Variants in DGAT2 observed in about 807,000 individuals in gnomAD.
DGAT2 encodes diacylglycerol O-acyltransferase 2.
In DGAT2, 33 loss-of-function variants were observed where a neutral mutation model predicts 48.4. The observed-to-expected ratio is 0.68, with a 90% confidence interval of 0.52 to 0.91. The LOEUF (loss-of-function observed/expected upper bound fraction) is 0.91, where lower values mean the gene tolerates loss of function less well. Ranked by LOEUF, DGAT2 falls within the 40% of genes least tolerant of loss-of-function variation. The probability of loss-of-function intolerance (pLI) is 0.00; values close to 1 mark genes in which losing one functional copy is unlikely to be tolerated. For missense variants in DGAT2, 446 were observed against 493.7 expected, an observed-to-expected ratio of 0.90 and a Z score of 0.92; for synonymous variants, 191 against 194.1, an observed-to-expected ratio of 0.98 and a Z score of 0.13.
Position 75,769,086 on chromosome 11 carries a change from T to C in DGAT2, c.95T>C (p.Leu32Pro). The C allele has an allele frequency of 6.4e-7, 1 of 1,574,340 alleles. No individual in the cohort carries two copies. The highest frequency in any genetic ancestry group is 8.6e-7 in the Non-Finnish European group (1 of 1,164,354). ...RSQRSHGGPA[L>P]SREGSGRWGT... ...CAGCGCTCTCACGGAGGACCTGCGC[T>C]GTCGCGCGAGGGGTCTGGGAGATGG... The change falls in exon 1 of 8, where the codon CTG becomes CCG. Residue 32 changes from leucine to proline, a missense_variant. Coordinates refer to ENST00000228027, the MANE Select transcript of DGAT2 (RefSeq NM_032564.5).
At chr11:75,790,629 C>T (rs920589710) in intron 3 of DGAT2, 32 bp from the exon 4 acceptor site, 1 of 1,609,188 alleles carries the variant, frequency 6.2e-7, no homozygotes, top group Non-Finnish European at 8.5e-7. Context: ...GTACCCCCAC[C>T]CCCACCAACT....
chr11:75,772,591 C>T (rs1040951177), intron 1 of DGAT2, among the ~76,000 whole-genome samples: 1 of 152,222 alleles, frequency 6.6e-6, no homozygotes, highest in African/African-American at 2.4e-5. Flanking sequence ...TAGAGAGCCA[C>T]TTCCAATCAC....
Position 75,784,760 on chromosome 11 carries a change from TAGAG to T in DGAT2, c.250+15_250+18del. On this transcript the variant is annotated intron_variant, in intron 2 of 7. Transcript: ENST00000228027. The stretch of plus-strand genomic sequence containing the variant: ...TCCTTGTACTGGGTAAGCTGGGCCT[TAGAG>T]GGAGGGCAGGTGGGCAGGCAGTGTC... The T allele has an allele frequency of 2.5e-6, 4 of 1,613,678 alleles. No homozygotes were observed. The highest frequency in any genetic ancestry group is 3.4e-6 in the Non-Finnish European group (4 of 1,179,764).
chr11:75,775,378 C>T (rs1944794553), intron 1 of DGAT2, among the ~76,000 whole-genome samples: 1 of 152,236 alleles, frequency 6.6e-6, no homozygotes, highest in Admixed American at 6.5e-5. Flanking sequence ...TGTGTGCTGG[C>T]TCTCCAGTAG....
intron 1 of DGAT2, among the ~76,000 whole-genome samples, chr11:75,775,489 AAAG>A (rs1469942754): frequency 6.6e-6 from 1 of 152,232 alleles, no homozygotes; most frequent in Non-Finnish European, 1.5e-5. Flanking sequence ...TCTTTTCAGA[AAAG>A]AACTCACTGG....
At position 75,768,933 on chromosome 11, in the gene DGAT2, G is replaced by T; in HGVS notation, c.-59G>T. 1 of 1,408,034 alleles carries T rather than the reference G, an allele frequency of 7.1e-7. No homozygotes were observed. The highest frequency in any genetic ancestry group is 9.2e-7 in the Non-Finnish European group (1 of 1,084,588). 87.2% of individuals were successfully genotyped at this position (1,408,034 alleles called of 1,614,324 possible). On this transcript the variant is annotated 5_prime_UTR_variant, in exon 1 of 8. Transcript: ENST00000228027. Reference sequence around the variant, plus strand: ...CCCTGGCCCCGGGGGCCGGGGCATGGGCCAGGGGCGCGGGGTGAAGCGGCT... The same window carrying T: ...CCCTGGCCCCGGGGGCCGGGGCATGTGCCAGGGGCGCGGGGTGAAGCGGCT...
intron 1 of DGAT2, among the ~76,000 whole-genome samples, chr11:75,782,396 A>G (rs1407063443): frequency 3.3e-5 from 5 of 152,206 alleles, no homozygotes; most frequent in African/African-American, 9.6e-5. Context: ...GGAAAGTGCT[A>G]GAGTACATTT....
chr11:75,790,113 A>C (rs915730529), intron 2 of DGAT2, 75 bp from the exon 3 acceptor site: 1 of 1,096,648 alleles, frequency 9.1e-7, no homozygotes, highest in Non-Finnish European at 1.4e-6. Flanking sequence ...CACAGTAAAC[A>C]CTCACTCCAT....
intron 2 of DGAT2, among the ~76,000 whole-genome samples, chr11:75,785,189 G>A (rs971631653): frequency 6.6e-6 from 1 of 152,202 alleles, no homozygotes; most frequent in African/African-American, 2.4e-5. Context: ...GACAAGCTCT[G>A]TGACCTTACA....
chr11:75,798,511 A>C, intron 7 of DGAT2, 82 bp downstream of exon 7: 1 of 1,486,644 alleles, frequency 6.7e-7, no homozygotes, highest in Non-Finnish European at 9.1e-7. Context: ...CGGGATTCCA[A>C]TGCAGGCCAC....
intron 4 of DGAT2, among the ~76,000 whole-genome samples, chr11:75,790,936 A>T (rs1437422127): frequency 6.6e-6 from 1 of 152,234 alleles, no homozygotes; most frequent in Admixed American, 6.5e-5. Context: ...TGACAGGGAA[A>T]TGGTGGCTCA....
intron 1 of DGAT2, 83 bp from the exon 2 acceptor site, chr11:75,784,535 C>T: frequency 6.4e-7 from 1 of 1,561,978 alleles, no homozygotes; most frequent in South Asian, 1.2e-5. Flanking sequence ...TAGAAGGGTA[C>T]CTGTGGGAGG....
intron 2 of DGAT2, among the ~76,000 whole-genome samples, chr11:75,788,451 C>T (rs767975575): frequency 1.3e-5 from 2 of 152,156 alleles, no homozygotes; most frequent in South Asian, 2.1e-4. Flanking sequence ...TTGGACATCT[C>T]GTCACTCTGT....
At chr11:75,776,005 G>A (rs1944799920) in intron 1 of DGAT2, 1 of 152,210 alleles carries the variant, frequency 6.6e-6, no homozygotes, top group African/African-American at 2.4e-5. Flanking sequence ...GTGGAGCCTG[G>A]GGTGTAAAGG....
rs150822096 is a variant in DGAT2 at position 75,790,710 on chromosome 11, T to C, written c.408T>C (p.Phe136=). 1.3e-4 allele frequency: 208 copies of C among 1,614,198 alleles called. 2 individuals carry two copies. The East Asian group carries it at 4.0e-3, about 31-fold the overall frequency. ...WVRNWAVWRY[F]RDYFPIQLVK... is the part of the protein sequence containing the mutation. ...GAAACTGGGCTGTGTGGCGCTACTT[T>C]CGAGACTACTTTCCCATCCAGGTAA... is the stretch of plus-strand genomic sequence containing the variant. The change falls in exon 4 of 8, where the codon TTT becomes TTC. Residue 136 remains phenylalanine, a synonymous_variant. Coordinates refer to ENST00000228027, the MANE Select transcript of DGAT2 (RefSeq NM_032564.5).
At chr11:75,788,072 T>C (rs543075278) in intron 2 of DGAT2, among the ~76,000 whole-genome samples, 136 of 152,278 alleles carry the variant, frequency 8.9e-4, no homozygotes, top group African/African-American at 3.1e-3. Context: ...CCTCTGGTCC[T>C]TTTACCCCTC....
At chr11:75,782,088 C>T (rs2135765875) in intron 1 of DGAT2, among the ~76,000 whole-genome samples, 1 of 152,230 alleles carries the variant, frequency 6.6e-6, no homozygotes, top group African/African-American at 2.4e-5. Flanking sequence ...CCCCTCAAAC[C>T]ACTGGCTTCA....
Position 75,796,353 on chromosome 11 carries a change from C to A in DGAT2, c.455C>A (p.Thr152Asn). The A allele has an allele frequency of 1.2e-6, 2 of 1,614,084 alleles. No individual in the cohort carries two copies. Among genetic ancestry groups the A allele is most frequent in the Non-Finnish European group, 1.7e-6 (2 of 1,179,962 alleles). The change falls in exon 5 of 8, where the codon ACC becomes AAC. Residue 152 changes from threonine to asparagine, a missense_variant. Physicochemically the swap from Thr to Asn is moderately conservative, Grantham distance 65. Transcript: ENST00000228027. ...CTGGTGAAGACACACAACCTGCTGA[C>A]CACCAGGAACTATATCTTTGGATAC... ...IQLVKTHNLL[T>N]TRNYIFGYHP...
chr11:75,800,247 C>T, intron 7 of DGAT2, 107 bp from the exon 8 acceptor site: 1 of 1,342,560 alleles, frequency 7.4e-7, no homozygotes, highest in Non-Finnish European at 1.0e-6. Context: ...TGGCACAGTT[C>T]CTTCCACATG....
Sources: gnomAD v4.1 joint callset for allele counts (sites outside exome capture counted in the v4.1 genomes callset) on GRCh38, gnomAD v4.1.1 for gene constraint, MANE v1.5 for transcripts, NCBI Gene and HGNC (gene_info 2026-07-23, HGNC 2026-07-21) for gene names.